TAB2: variants seen among roughly 807,000 people sequenced by gnomAD.
The protein encoded by TAB2 is TGF-beta-activated kinase 1 and MAP3K7-binding protein 2.
TAB2 carries 3 observed loss-of-function variants against 65.0 expected under a neutral mutation model. That is an observed-to-expected ratio of 0.05 (90% confidence interval 0.02 to 0.12). The LOEUF is 0.12. Ranked by LOEUF, TAB2 falls within the 10% of genes least tolerant of loss-of-function variation. The pLI, the probability that TAB2 is intolerant of heterozygous loss-of-function variation, is 1.00. For synonymous variants in TAB2, 298 were observed against 285.1 expected (o/e 1.05, Z -0.46); for missense variants, 623 against 840.3 (o/e 0.74, Z 3.20).
chr6:149,405,298 C>T (rs777971114), intron 6 of TAB2, among the ~76,000 whole-genome samples: 20 of 152,148 alleles, frequency 1.3e-4, no homozygotes, highest in East Asian at 5.8e-4. Context: ...GAAAAGAGAA[C>T]GCTTGTACAC....
chr6:149,258,082 C>G (rs1366949875), intron 1 of TAB2, among the ~76,000 whole-genome samples: 1 of 152,104 alleles, frequency 6.6e-6, no homozygotes, highest in Non-Finnish European at 1.5e-5. Context: ...TGGCTAGGCC[C>G]GCTGGTCTGG....
rs1244858048 is a variant in TAB2, at chr6:149,378,105, G to C, written c.190G>C (p.Asp64His). The change falls in exon 3 of 7, where the codon GAT (aspartate) becomes CAT (histidine). Residue 64 changes from aspartate to histidine, a missense_variant. This residue lies in a region of TAB2 where 550 missense variants were observed against 665.7 expected (regional missense o/e 0.83). Transcript: ENST00000637181. Reference sequence around the variant, plus strand: ...TGGTGAAGGAGACTTGAATTTTTCAGATGATTCTGGAATTTCTGGTCTACG... The same window carrying C: ...TGGTGAAGGAGACTTGAATTTTTCACATGATTCTGGAATTTCTGGTCTACG... Reference protein sequence around the residue: ...LYGEGDLNFSDDSGISGLRNH... With the variant: ...LYGEGDLNFSHDSGISGLRNH... 8.7e-6 allele frequency: 14 copies of C among 1,614,160 alleles called. No individual in the cohort carries two copies. The highest frequency in any genetic ancestry group is 1.2e-5 in the Non-Finnish European group (14 of 1,180,008).
At chr6:149,289,094 A>G (rs991825993) in intron 1 of TAB2, among the ~76,000 whole-genome samples, 3 of 151,942 alleles carry the variant, frequency 2.0e-5, no homozygotes, top group African/African-American at 7.3e-5. Context: ...CCTGGCCTCA[A>G]GTGATCCACC....
intron 1 of TAB2, among the ~76,000 whole-genome samples, chr6:149,352,487 A>C (rs1348816983): frequency 1.3e-5 from 2 of 152,160 alleles, no homozygotes; most frequent in East Asian, 1.9e-4. Context: ...CATTTTAATA[A>C]TCTTTTTATT....
rs372937695 is a variant in TAB2, at chr6:149,269,658, T to C, written c.-121+50882T>C. ...GTTATCTGTCCTTGTAGTTTTACCT[T>C]TGCAAGATTATCATGTATCATTCGT... On this transcript the variant is annotated intron_variant, in intron 1 of 1. Coordinates refer to the TAB2 transcript ENST00000606202. Among the ~76,000 whole-genome samples the C allele has an allele frequency of 6.8e-4, 104 of 152,352 alleles. No individual in the cohort carries two copies. In the South Asian group the frequency reaches 0.019, roughly 28 times the overall value.
rs149984990 is a variant in TAB2 at position 149,224,215 on chromosome 6, G to A, written c.-121+5439G>A. Reference sequence around the variant, plus strand: ...CGGGAAGGGTGATAATGAACGAAATGTAATCATGTATTCCTGGCACACACT... The same window carrying A: ...CGGGAAGGGTGATAATGAACGAAATATAATCATGTATTCCTGGCACACACT... On this transcript the variant is annotated intron_variant, in intron 1 of 1. Coordinates refer to the TAB2 transcript ENST00000606202. Among the ~76,000 whole-genome samples the A allele has an allele frequency of 1.0e-3, 157 of 152,310 alleles. 1 individual carries two copies. Among genetic ancestry groups the A allele is most frequent in the African/African-American group, 3.6e-3 (151 of 41,576 alleles).
chr6:149,237,674 C>T, intron 1 of TAB2, among the ~76,000 whole-genome samples: 1 of 152,230 alleles, frequency 6.6e-6, no homozygotes, highest in Admixed American at 6.5e-5. Flanking sequence ...CTACTACTTC[C>T]TAGAACTCAC....
chr6:149,363,803 A>G (rs535161916), intron 1 of TAB2, among the ~76,000 whole-genome samples: 9 of 152,234 alleles, frequency 5.9e-5, no homozygotes, highest in African/African-American at 1.9e-4. Context: ...CTAGACCCAT[A>G]TATCACAACT....
chr6:149,405,015 T>A (rs1027024924), intron 6 of TAB2, among the ~76,000 whole-genome samples: 5 of 152,176 alleles, frequency 3.3e-5, no homozygotes, highest in African/African-American at 9.7e-5. Flanking sequence ...ACTATTTAAC[T>A]CCTAAAGGGT....
chr6:149,361,409 C>T lies in TAB2; in HGVS notation c.-89-8500C>T, dbSNP rs1293568389. On this transcript the variant is annotated intron_variant, in intron 1 of 6. Coordinates refer to ENST00000637181, the MANE Select transcript of TAB2 (RefSeq NM_001292034.3). ...CAAAGCAGCAGCAGCCCGAGTTGTTCTTGGGGCCCTTTGAGCCATAGCTGG... is the reference window on the plus strand; with the variant it reads ...CAAAGCAGCAGCAGCCCGAGTTGTTTTTGGGGCCCTTTGAGCCATAGCTGG... 2.0e-5 allele frequency among the ~76,000 whole-genome samples: 3 copies of T among 152,344 alleles called. No homozygotes were observed. The East Asian group carries it at 5.8e-4, about 29-fold the overall frequency.
intron 1 of TAB2, among the ~76,000 whole-genome samples, chr6:149,250,227 G>T (rs887702975): frequency 1.3e-5 from 2 of 152,020 alleles, no homozygotes; most frequent in African/African-American, 4.8e-5. Context: ...AAAGAAGAAG[G>T]ATAAAGCCAG....
intron 1 of TAB2, among the ~76,000 whole-genome samples, chr6:149,306,417 G>A (rs1779070755): frequency 6.6e-6 from 1 of 151,954 alleles, no homozygotes; most frequent in Admixed American, 6.6e-5. Context: ...GGGTGTGGTG[G>A]CGGGCACCTG....
At chr6:149,274,110 A>G (rs1778411177) in intron 1 of TAB2, among the ~76,000 whole-genome samples, 2 of 152,258 alleles carry the variant, frequency 1.3e-5, no homozygotes, top group South Asian at 2.1e-4. Context: ...ACCTCAATCC[A>G]TAACTCAAAA....
chr6:149,290,040 G>A (rs1425942155), intron 1 of TAB2, among the ~76,000 whole-genome samples: 1 of 152,162 alleles, frequency 6.6e-6, no homozygotes, highest in African/African-American at 2.4e-5. Context: ...TGGAGATGAA[G>A]CCTCCAGGTA....
intron 1 of TAB2, among the ~76,000 whole-genome samples, chr6:149,254,083 A>AC (rs1284858724): frequency 3.8e-4 from 41 of 107,872 alleles, no homozygotes; most frequent in Middle Eastern, 4.1e-3. Context: ...GGAAGGAAGG[A>AC]AGGAAGGAAG....
In TAB2 at chr6:149,409,570, C is replaced by G. The variant is rs982002644; in HGVS notation, c.1940-7C>G. 1 of 1,612,098 alleles carries G rather than the reference C, an allele frequency of 6.2e-7. No individual in the cohort carries two copies. Reference sequence around the variant, plus strand: ...TACTTATAAAATAATTTTTTTCTTTCTTACAGATCAAAGGTCCATCATCAA... The same window carrying G: ...TACTTATAAAATAATTTTTTTCTTTGTTACAGATCAAAGGTCCATCATCAA... On this transcript the variant is annotated splice_region_variant and splice_polypyrimidine_tract_variant and intron_variant, in intron 6 of 6. Transcript: ENST00000637181.
chr6:149,257,331 G>A (rs987240866), intron 1 of TAB2: 5 of 152,258 alleles, frequency 3.3e-5, no homozygotes, highest in Admixed American at 6.5e-5. Context: ...AAAGTTCTTG[G>A]GGAAAAGTTT....
At chr6:149,390,729 G>C (rs1027626851) in intron 3 of TAB2, among the ~76,000 whole-genome samples, 3 of 152,164 alleles carry the variant, frequency 2.0e-5, no homozygotes. Context: ...ACAACTAAGA[G>C]AGAGTTGCAT....
intron 1 of TAB2, among the ~76,000 whole-genome samples, chr6:149,343,120 T>G (rs1265437539): frequency 2.6e-5 from 4 of 151,938 alleles, no homozygotes; most frequent in Non-Finnish European, 4.4e-5. Flanking sequence ...CAAAAAAAAT[T>G]GAAAAACAAA....
Sources: allele counts gnomAD v4.1 joint callset (sites outside exome capture counted in the v4.1 genomes callset), GRCh38; gene constraint gnomAD v4.1.1; regional missense constraint gnomAD v4.1.1; transcripts MANE v1.5; gene names NCBI Gene and HGNC (gene_info 2026-07-23, HGNC 2026-07-21).